RMDN1: variants seen among roughly 807,000 people sequenced by gnomAD.
RMDN1 encodes the protein regulator of microtubule dynamics 1.
RMDN1 carries 48 observed loss-of-function variants against 48.9 expected under a neutral mutation model. The observed-to-expected ratio is 0.98, with a 90% CI of 0.78 to 1.25. The LOEUF (loss-of-function observed/expected upper bound fraction) is 1.25, where lower values mean the gene tolerates loss of function less well. Ranked by LOEUF, RMDN1 falls within the 50% of genes most tolerant of loss-of-function variation. RMDN1 has a pLI of 0.00. For missense variants in RMDN1, 418 were observed against 373.4 expected (o/e 1.12, Z -0.98); for synonymous variants, 148 against 132.6 (o/e 1.12, Z -0.80).
rs559757555 is a variant in RMDN1 at position 86,479,156 on chromosome 8, G to A, written c.642-146C>T. On this transcript the variant is annotated intron_variant, in intron 6 of 9. Coordinates refer to ENST00000406452, the MANE Select transcript of RMDN1 (RefSeq NM_016033.3). ...TACATGATATCTACTAGGTAATCCA[G>A]AGATTGACATAGTGATCCTTTAGCT... is the stretch of plus-strand genomic sequence containing the variant. 5 of 607,172 alleles carry A rather than the reference G, an allele frequency of 8.2e-6. No homozygotes were observed. The South Asian group carries it at 8.4e-5, about 10-fold the overall frequency. 37.6% of individuals were successfully genotyped at this position (607,172 alleles called of 1,614,324 possible).
Position 86,473,172 on chromosome 8 carries a change from C to T in RMDN1, c.*1136G>A, listed in dbSNP as rs982987796. ...GTTTTCCTTTTTGTTTGAAAATGTA[C>T]ATGACAAACATATCCATACAGTTCA... On this transcript the variant is annotated 3_prime_UTR_variant, in exon 10 of 10. Coordinates refer to ENST00000406452, the MANE Select transcript of RMDN1 (RefSeq NM_016033.3). The T allele has an allele frequency of 1.0e-5, 10 of 985,092 alleles. No individual in the cohort carries two copies. The African/African-American group carries it at 1.7e-4, about 17-fold the overall frequency. 61.0% of individuals were successfully genotyped at this position (985,092 alleles called of 1,614,324 possible).
At position 86,472,554 on chromosome 8, in the gene RMDN1, CATT is replaced by C. The variant is rs1812714945; in HGVS notation, c.*1751_*1753del. On this transcript the variant is annotated 3_prime_UTR_variant, in exon 10 of 10. Coordinates refer to ENST00000406452, the MANE Select transcript of RMDN1 (RefSeq NM_016033.3). ...ATTAAGTGGGAAACTGAAAGCCTGC[CATT>C]GTTGTTGCCGTTTAACAGCTGATAC... 5.8e-6 allele frequency: 4 copies of C among 693,380 alleles called. No individual in the cohort carries two copies. The highest frequency in any genetic ancestry group is 1.8e-5 in the African/African-American group (1 of 56,758). 43.0% of individuals were successfully genotyped at this position (693,380 alleles called of 1,614,324 possible).
At chr8:86,469,553 G>A (rs1479384666), downstream of RMDN1, among the ~76,000 whole-genome samples, 1 of 152,174 alleles carries the variant, frequency 6.6e-6, no homozygotes, top group African/African-American at 2.4e-5. Context: ...TGTCCTGCTG[G>A]TGAGCTGTGT....
chr8:86,490,897 C>A (rs2130928816), intron 2 of RMDN1, among the ~76,000 whole-genome samples: 1 of 151,968 alleles, frequency 6.6e-6, no homozygotes, highest in East Asian at 1.9e-4. Context: ...GCAGCTCACG[C>A]CTATACTCCC....
downstream of RMDN1, among the ~76,000 whole-genome samples, chr8:86,471,283 A>C (rs1467237140): frequency 6.6e-6 from 1 of 152,066 alleles, no homozygotes; most frequent in East Asian, 1.9e-4. Context: ...TCTCACAAAA[A>C]ACAAACAACT....
rs1812780413 is a variant in RMDN1 at position 86,472,937 on chromosome 8, G to C, written c.*1371C>G. The C allele has an allele frequency of 6.1e-6, 1 of 163,506 alleles. No homozygotes were observed. 10.1% of individuals were successfully genotyped at this position (163,506 alleles called of 1,614,324 possible). ...AGTTACCTTCAAGCTATGTGCATAA[G>C]GTATATATGAAACAAGTGAATTTGT... is the stretch of plus-strand genomic sequence containing the variant. On this transcript the variant is annotated 3_prime_UTR_variant, in exon 10 of 10. Coordinates refer to ENST00000406452, the MANE Select transcript of RMDN1 (RefSeq NM_016033.3).
chr8:86,483,852 A>C (rs1321226711), intron 5 of RMDN1, among the ~76,000 whole-genome samples: 1 of 148,624 alleles, frequency 6.7e-6, no homozygotes, highest in African/African-American at 2.5e-5. Context: ...TGAGACAATG[A>C]AGTTCATCCA....
intron 9 of RMDN1, 131 bp downstream of exon 9, chr8:86,474,689 C>T (rs1416290491): frequency 3.3e-6 from 3 of 900,638 alleles, no homozygotes; most frequent in Non-Finnish European, 5.6e-6. Context: ...AATCAATTTA[C>T]ACTTGAAATG....
At chr8:86,479,686 A>AAATT (rs1814008285) in intron 6 of RMDN1, among the ~76,000 whole-genome samples, 1 of 152,098 alleles carries the variant, frequency 6.6e-6, no homozygotes, top group South Asian at 2.1e-4. Flanking sequence ...TTCTCTTTTA[A>AAATT]AAGAGTTTGA....
At chr8:86,478,166 T>C (rs1430631271) in intron 7 of RMDN1, 2 of 152,230 alleles carry the variant, frequency 1.3e-5, no homozygotes, top group South Asian at 4.1e-4. Context: ...ATTACAGGCA[T>C]GAGCCACCGT....
At position 86,507,107 on chromosome 8, in the gene RMDN1, C is replaced by T; in HGVS notation, c.135G>A (p.Met45Ile). 1 of 1,583,872 alleles carries T rather than the reference C, an allele frequency of 6.3e-7. No individual in the cohort carries two copies. Among genetic ancestry groups the T allele is most frequent in the South Asian group, 1.1e-5 (1 of 90,468 alleles). The change falls in exon 2 of 10, where the codon ATG (methionine) becomes ATA (isoleucine). Residue 45 changes from methionine (M) to isoleucine (I), a missense_variant. Transcript: ENST00000406452. The stretch of plus-strand genomic sequence containing the variant: ...CTCTTTTGAAAGTTCCTGGGTTTCC[C>T]ATTACCTATGGAAACAATTATGTTA... ...GPCRFRGFEV[M>I]GNPGTFKRGL...
Position 86,474,968 on chromosome 8 carries a change from G to T in RMDN1, c.761-15C>A. The T allele has an allele frequency of 2.5e-6, 4 of 1,575,194 alleles. No homozygotes were observed. Among genetic ancestry groups the T allele is most frequent in the Non-Finnish European group, 3.4e-6 (4 of 1,167,256 alleles). ...GTTTGGATCCACTGCACATAAGAAA[G>T]AAAAAATGATCTCAGAGGAAACAGT... On this transcript the variant is annotated splice_polypyrimidine_tract_variant and intron_variant, in intron 8 of 9. Transcript: ENST00000406452.
chr8:86,508,727 C>T (rs1409575946), upstream of RMDN1: 4 of 1,408,676 alleles, frequency 2.8e-6, no homozygotes, highest in East Asian at 5.4e-5. Flanking sequence ...CGCCCGCCTC[C>T]TGCACAGCAC....
In RMDN1 at chr8:86,472,992, T is replaced by C. The variant is rs1008335253; in HGVS notation, c.*1316A>G. On this transcript the variant is annotated 3_prime_UTR_variant, in exon 10 of 10. Coordinates refer to ENST00000406452, the MANE Select transcript of RMDN1 (RefSeq NM_016033.3). ...AAACTTGGGTCCCATCTCCAAGATA[T>C]CTTATTGTGTGTATGCAGGTATTCC... 14 of 330,218 alleles carry C rather than the reference T, an allele frequency of 4.2e-5. No homozygotes were observed. The highest frequency in any genetic ancestry group is 2.7e-4 in the African/African-American group (12 of 44,334). The allele number at this position is 330,218 out of a possible 1,614,324, so 20.5% of individuals were successfully genotyped here.
upstream of RMDN1, among the ~76,000 whole-genome samples, chr8:86,512,935 A>G (rs1428992277): frequency 6.6e-6 from 1 of 152,086 alleles, no homozygotes; most frequent in African/African-American, 2.4e-5. Context: ...AAAAATGTTT[A>G]GTTTGCATTT....
At chr8:86,483,510 G>A (rs555438798) in intron 5 of RMDN1, among the ~76,000 whole-genome samples, 1 of 152,268 alleles carries the variant, frequency 6.6e-6, no homozygotes, top group South Asian at 2.1e-4. Context: ...CAACTACAAT[G>A]TAAGGTTCCA....
rs1394700771 is a variant in RMDN1 at position 86,472,357 on chromosome 8, C to G, written c.*1951G>C. The G allele has an allele frequency of 2.9e-6, 2 of 694,544 alleles. No homozygotes were observed. Among genetic ancestry groups the G allele is most frequent in the Non-Finnish European group, 5.2e-6 (2 of 381,994 alleles). 43.0% of individuals were successfully genotyped at this position (694,544 alleles called of 1,614,324 possible). A position where few individuals can be genotyped will look rare whatever the true frequency, so the allele number is the denominator to read the frequency against. On this transcript the variant is annotated 3_prime_UTR_variant, in exon 10 of 10. Coordinates refer to ENST00000406452, the MANE Select transcript of RMDN1 (RefSeq NM_016033.3). ...ACAGGTCACAGTCAAAATGCAGGTG[C>G]ACAACACAGTTTATTCGGTCTCCCT... is the stretch of plus-strand genomic sequence containing the variant.
upstream of RMDN1, among the ~76,000 whole-genome samples, chr8:86,512,980 T>C (rs1820128946): frequency 6.6e-6 from 1 of 152,194 alleles, no homozygotes; most frequent in African/African-American, 2.4e-5. Context: ...CTTAAGAATG[T>C]CTGTGTTTCT....
chr8:86,481,919 C>T (rs1019054120), intron 5 of RMDN1: 4 of 784,336 alleles, frequency 5.1e-6, no homozygotes, highest in Non-Finnish European at 8.4e-6. Context: ...CGGCCAGACA[C>T]GAAGTGGAAA....
Sources: gnomAD v4.1 joint callset for allele counts (sites outside exome capture counted in the v4.1 genomes callset) on GRCh38, gnomAD v4.1.1 for gene constraint, MANE v1.5 for transcripts, NCBI Gene and HGNC (gene_info 2026-07-23, HGNC 2026-07-21) for gene names.